SRCIN1: variants seen among roughly 807,000 people sequenced by gnomAD.
SRCIN1 encodes the protein P130Cas-associated protein.
In SRCIN1, 50 loss-of-function variants were observed where a neutral mutation model predicts 116.2. That is an observed-to-expected ratio of 0.43 (90% CI 0.34 to 0.54). The LOEUF is 0.54. Among genes scored for constraint, SRCIN1 ranks in the 20% least tolerant of loss-of-function variants. The probability of loss-of-function intolerance (pLI) is 0.02; values close to 1 mark genes in which losing one functional copy is unlikely to be tolerated. For missense variants in SRCIN1, 1,446 were observed against 1,672.0 expected (o/e 0.86, Z 2.36); for synonymous variants, 736 against 750.0 (o/e 0.98, Z 0.30).
At chr17:38,598,732 G>A (rs571457300) in intron 1 of SRCIN1, among the ~76,000 whole-genome samples, 24 of 152,352 alleles carry the variant, frequency 1.6e-4, no homozygotes, top group Admixed American at 2.6e-4. Flanking sequence ...GCTACCAGGA[G>A]CCAGGATAAG....
chr17:38,590,229 C>G (rs557373348), intron 1 of SRCIN1, among the ~76,000 whole-genome samples: 1 of 152,206 alleles, frequency 6.6e-6, no homozygotes, highest in Non-Finnish European at 1.5e-5. Flanking sequence ...ATGGACCAGC[C>G]ATGAAATGAT....
Position 38,563,725 on chromosome 17 carries a change from C to G in SRCIN1, c.542-204G>C. The G allele has an allele frequency of 1.4e-6, 1 of 735,916 alleles. No individual in the cohort carries two copies. Among genetic ancestry groups the G allele is most frequent in the Non-Finnish European group, 2.4e-6 (1 of 424,834 alleles). 45.6% of individuals were successfully genotyped at this position (735,916 alleles called of 1,614,324 possible). A position where few individuals can be genotyped will look rare whatever the true frequency, so the allele number is the denominator to read the frequency against. On this transcript the variant is annotated intron_variant, in intron 4 of 18. Transcript: ENST00000617146. This position sits in a 1 kb window ranked among gnomAD's most constrained non-coding sequence, Gnocchi z 5.8. ...CCGGCTCTCCAGCCTCTCAAGGCACCCACTGGACTCCAGGCAGTTGAAGGA... is the reference window on the plus strand; with the variant it reads ...CCGGCTCTCCAGCCTCTCAAGGCACGCACTGGACTCCAGGCAGTTGAAGGA...
At chr17:38,587,006 A>C in intron 1 of SRCIN1, among the ~76,000 whole-genome samples, 1 of 149,146 alleles carries the variant, frequency 6.7e-6, no homozygotes, top group African/African-American at 2.5e-5. Flanking sequence ...GCACCCGGGG[A>C]GGGGGGCGGG....
intron 1 of SRCIN1, among the ~76,000 whole-genome samples, chr17:38,593,595 G>A (rs1908558490): frequency 6.6e-6 from 1 of 152,170 alleles, no homozygotes; most frequent in African/African-American, 2.4e-5. Context: ...GAGCTCACAG[G>A]ACAGTTGTGA....
intron 15 of SRCIN1, among the ~76,000 whole-genome samples, chr17:38,550,280 G>T (rs1905299805): frequency 6.6e-6 from 1 of 152,170 alleles, no homozygotes; most frequent in African/African-American, 2.4e-5. Flanking sequence ...GGATCACGAG[G>T]TCAGGAGATC....
At chr17:38,535,919 G>T (rs536715757) in intron 18 of SRCIN1, among the ~76,000 whole-genome samples, 1 of 152,210 alleles carries the variant, frequency 6.6e-6, no homozygotes, top group African/African-American at 2.4e-5. Context: ...TGCTTTTTCT[G>T]CTCCTACCCC....
intron 1 of SRCIN1, among the ~76,000 whole-genome samples, chr17:38,603,160 T>A (rs1010077993): frequency 1.3e-5 from 2 of 148,884 alleles, no homozygotes; most frequent in Non-Finnish European, 3.0e-5. Flanking sequence ...GGTGGGTCCC[T>A]GGCGAGAGAG....
rs1234814616 is a variant in SRCIN1 at position 38,578,526 on chromosome 17, C to T, written c.288G>A (p.Leu96=). Residue 96 remains leucine, a synonymous_variant, in exon 2 of 19, where the codon CTG becomes CTA. Transcript: ENST00000617146. ...TCCTGTCCTGCTGGCCTCGCAGGGC[C>T]AGGGCGTGCTGTGGGTACTTGCTCT... The part of the protein sequence containing the change: ...HLKSKYPQHA[L]ALRGQQDRMR... 2 of 1,597,344 alleles carry T rather than the reference C, an allele frequency of 1.3e-6. No homozygotes were observed. The highest frequency in any genetic ancestry group is 1.7e-5 in the Admixed American group (1 of 59,704).
intron 18 of SRCIN1, among the ~76,000 whole-genome samples, chr17:38,536,057 C>T (rs1000760867): frequency 1.3e-5 from 2 of 152,240 alleles, no homozygotes; most frequent in East Asian, 1.9e-4. Context: ...GGTACCCCTT[C>T]TCCCCCCAAC....
intron 1 of SRCIN1, among the ~76,000 whole-genome samples, chr17:38,583,925 C>T (rs981516646): frequency 1.3e-5 from 2 of 151,028 alleles, no homozygotes; most frequent in Non-Finnish European, 2.9e-5. Flanking sequence ...TCCCTGTTAC[C>T]CCTACGCCTG....
At chr17:38,569,355 G>A (rs1293453006) in intron 2 of SRCIN1, among the ~76,000 whole-genome samples, 1 of 152,192 alleles carries the variant, frequency 6.6e-6, no homozygotes, top group Non-Finnish European at 1.5e-5. Flanking sequence ...GGCCTGGCCC[G>A]GGGGTGCCTG....
At chr17:38,577,160 G>C (rs930387244) in intron 2 of SRCIN1, among the ~76,000 whole-genome samples, 3 of 152,110 alleles carry the variant, frequency 2.0e-5, no homozygotes, top group Admixed American at 6.5e-5. Flanking sequence ...TCCTCCTGCA[G>C]GAAGCCTTCC....
At position 38,552,212 on chromosome 17, in the gene SRCIN1, G is replaced by A; in HGVS notation, c.2481-80C>T. On this transcript the variant is annotated intron_variant, in intron 13 of 18. Transcript: ENST00000617146. The surrounding 1 kb of genome is among the most constrained non-coding windows in gnomAD (Gnocchi z 5.3). Reference sequence around the variant, plus strand: ...GCAGGAAGGCTGCTCTGAGGGAGGTGGGGTGGGAGGCAGGCTCTGGGATGC... The same window carrying A: ...GCAGGAAGGCTGCTCTGAGGGAGGTAGGGTGGGAGGCAGGCTCTGGGATGC... 2 of 1,543,594 alleles carry A rather than the reference G, an allele frequency of 1.3e-6. No individual in the cohort carries two copies. The highest frequency in any genetic ancestry group is 1.8e-6 in the Non-Finnish European group (2 of 1,142,518).
chr17:38,576,642 C>G (rs1208146098), intron 2 of SRCIN1, among the ~76,000 whole-genome samples: 1 of 152,070 alleles, frequency 6.6e-6, no homozygotes, highest in Non-Finnish European at 1.5e-5. Context: ...ATGCCCTACC[C>G]ACTGCTCAAA....
chr17:38,598,185 G>A (rs1010956324), intron 1 of SRCIN1, among the ~76,000 whole-genome samples: 6 of 152,088 alleles, frequency 3.9e-5, no homozygotes, highest in African/African-American at 1.4e-4. Flanking sequence ...TGGATAAGGG[G>A]GCTGGGGACA....
At chr17:38,584,630 A>T (rs938437621) in intron 1 of SRCIN1, among the ~76,000 whole-genome samples, 8 of 152,168 alleles carry the variant, frequency 5.3e-5, no homozygotes, top group African/African-American at 1.9e-4. Flanking sequence ...TATCAGCCTC[A>T]TTTATTTTTA....
intron 1 of SRCIN1, among the ~76,000 whole-genome samples, chr17:38,595,363 AC>A (rs1157424734): frequency 6.6e-6 from 1 of 151,886 alleles, no homozygotes; most frequent in Non-Finnish European, 1.5e-5. Context: ...GATTACAGAC[AC>A]CCGCCACCAC....
chr17:38,563,934 G>A lies in SRCIN1; in HGVS notation c.541+184C>T, dbSNP rs1441159940. The A allele has an allele frequency of 3.0e-6, 2 of 670,622 alleles. No homozygotes were observed. The highest frequency in any genetic ancestry group is 5.4e-5 in the East Asian group (2 of 36,722). 41.5% of individuals were successfully genotyped at this position (670,622 alleles called of 1,614,324 possible). A position where few individuals can be genotyped will look rare whatever the true frequency, so the allele number is the denominator to read the frequency against. On this transcript the variant is annotated intron_variant, in intron 4 of 18. Coordinates refer to ENST00000617146, the MANE Select transcript of SRCIN1 (RefSeq NM_025248.3). This position sits in a 1 kb window ranked among gnomAD's most constrained non-coding sequence, Gnocchi z 5.8. ...GGAGGCTTGGAGGGAAAGGGGTCGG[G>A]TGGGGATGCTGAGGGCGAGAGAGAG... is the stretch of plus-strand genomic sequence containing the variant.
At position 38,585,762 on chromosome 17, in the gene SRCIN1, C is replaced by A. The variant is rs1597927362; in HGVS notation, c.23-6971G>T. ...TAAACATTCCTGTGTAATATCCCCC[C>A]AAATTGCTAATACCCAGCGCCCTGT... On this transcript the variant is annotated intron_variant, in intron 1 of 18. Transcript: ENST00000617146. This position sits in a 1 kb window ranked among gnomAD's most constrained non-coding sequence, Gnocchi z 4.2. 2.0e-5 allele frequency among the ~76,000 whole-genome samples: 3 copies of A among 152,196 alleles called. No individual in the cohort carries two copies. The East Asian group carries it at 5.8e-4, about 29-fold the overall frequency.
Sources: gnomAD v4.1 joint callset for allele counts (sites outside exome capture counted in the v4.1 genomes callset) on GRCh38, gnomAD v4.1.1 for gene constraint, Gnocchi (gnomAD v3.1) non-coding constraint, MANE v1.5 for transcripts, NCBI Gene and HGNC (gene_info 2026-07-23, HGNC 2026-07-21) for gene names.